CORO1B: variants seen among roughly 807,000 people sequenced by gnomAD.
CORO1B encodes coronin-1B.
Under a neutral mutation model 51.1 loss-of-function variants are expected in CORO1B, and 30 were observed. The ratio of observed to expected loss-of-function variants is 0.59; its 90% CI spans 0.44 to 0.80. The LOEUF (loss-of-function observed/expected upper bound fraction) is 0.80. CORO1B is among the 30% of genes least tolerant of loss of function. The pLI is 0.00. For synonymous variants in CORO1B, 310 were observed against 289.7 expected (o/e 1.07, Z -0.71); for missense variants, 648 against 700.4 (o/e 0.93, Z 0.84).
intron 1 of CORO1B, 108 bp from the exon 2 acceptor site, chr11:67,442,738 T>A: frequency 9.0e-7 from 1 of 1,113,608 alleles, no homozygotes; most frequent in Non-Finnish European, 1.3e-6. Context: ...CAGGCCACCG[T>A]AACCCTCCTG....
In CORO1B at chr11:67,435,522, G is replaced by A. The variant is rs1034812304; in HGVS notation, c.*2854C>T. The A allele has an allele frequency of 4.1e-6, 3 of 723,912 alleles. No individual in the cohort carries two copies. In the African/African-American group the frequency reaches 5.4e-5, roughly 13 times the overall value. 44.8% of individuals were successfully genotyped at this position (723,912 alleles called of 1,614,324 possible). A position where few individuals can be genotyped will look rare whatever the true frequency, so the allele number is the denominator to read the frequency against. Reference sequence around the variant, plus strand: ...AGGACCACAGGGCCACAGGCTGAAGGAGTTTTATTTCAAATGGTTGCCTGA... The same window carrying A: ...AGGACCACAGGGCCACAGGCTGAAGAAGTTTTATTTCAAATGGTTGCCTGA... On this transcript the variant is annotated 3_prime_UTR_variant, in exon 11 of 11. Coordinates refer to ENST00000341356, the MANE Select transcript of CORO1B (RefSeq NM_020441.3).
In CORO1B at chr11:67,435,648, G is replaced by T; in HGVS notation, c.*2728C>A. On this transcript the variant is annotated 3_prime_UTR_variant, in exon 11 of 11. Coordinates refer to ENST00000341356, the MANE Select transcript of CORO1B (RefSeq NM_020441.3). ...TCTGAGGCATGGTCATGTGGGCTGG[G>T]GGTCCAGTCCAGCCATGGCATCTTG... 6.8e-7 allele frequency: 1 copy of T among 1,480,356 alleles called. No individual in the cohort carries two copies. Among genetic ancestry groups the T allele is most frequent in the Non-Finnish European group, 8.9e-7 (1 of 1,118,262 alleles). The allele number at this position is 1,480,356 out of a possible 1,614,324, so 91.7% of individuals were successfully genotyped here.
upstream of CORO1B, chr11:67,443,558 C>T (rs1344442665): frequency 1.4e-6 from 1 of 731,514 alleles, no homozygotes; most frequent in Admixed American, 6.3e-5. Flanking sequence ...AGGTCACGCG[C>T]GGAGGGGCTG....
chr11:67,439,693 T>G (rs1864358096), intron 9 of CORO1B, 93 bp downstream of exon 9: 1 of 1,276,590 alleles, frequency 7.8e-7, no homozygotes, highest in East Asian at 2.5e-5. Context: ...CCATACTAGG[T>G]CATGTTCCAT....
Position 67,438,479 on chromosome 11 carries a change from ACCT to A in CORO1B, c.1364_1366del (p.Glu455del), listed in dbSNP as rs1864332140. 1 of 1,609,202 alleles carries A rather than the reference ACCT, an allele frequency of 6.2e-7. No homozygotes were observed. Reference sequence around the variant, plus strand: ...CCTCAGGGCCCGCAGCTCCTGCATCACCTCCTCCAGCTTCCCAGCCTCCTGTGG... The same window carrying A: ...CCTCAGGGCCCGCAGCTCCTGCATCACCTCCAGCTTCCCAGCCTCCTGTGG... On this transcript the variant is annotated inframe_deletion, in exon 11 of 11. Transcript: ENST00000341356.
chr11:67,441,675 T>C lies in CORO1B; in HGVS notation c.454+58A>G, dbSNP rs1230813791. 6 of 1,178,618 alleles carry C rather than the reference T, an allele frequency of 5.1e-6. No homozygotes were observed. In the African/African-American group the frequency reaches 1.3e-4, roughly 25 times the overall value. 73.0% of individuals were successfully genotyped at this position (1,178,618 alleles called of 1,614,324 possible). ...GTCATGTGGGCCCTGGAGGGGCTGC[T>C]GGGATGTATGGAGGGGTCCGTGGGG... is the stretch of plus-strand genomic sequence containing the variant. On this transcript the variant is annotated intron_variant, in intron 4 of 10. Coordinates refer to ENST00000341356, the MANE Select transcript of CORO1B (RefSeq NM_020441.3).
intron 5 of CORO1B, 29 bp downstream of exon 5, chr11:67,441,304 A>G (rs778491576): frequency 1.4e-5 from 23 of 1,612,998 alleles, no homozygotes; most frequent in South Asian, 1.1e-4. Context: ...GCCTATCCAC[A>G]GCCATCCTTG....
Position 67,442,420 on chromosome 11 carries a change from G to A in CORO1B, c.201+8C>T, listed in dbSNP as rs1441043809. The A allele has an allele frequency of 5.0e-6, 8 of 1,612,586 alleles. No individual in the cohort carries two copies. The highest frequency in any genetic ancestry group is 5.9e-6 in the Non-Finnish European group (7 of 1,179,822). Reference sequence around the variant, plus strand: ...GCCTCCTCTTCCCCCAACCCTGACAGGACCCACCTTGCTTAGGGGGAGCAC... The same window carrying A: ...GCCTCCTCTTCCCCCAACCCTGACAAGACCCACCTTGCTTAGGGGGAGCAC... On this transcript the variant is annotated splice_region_variant and intron_variant, in intron 2 of 10. Coordinates refer to ENST00000341356, the MANE Select transcript of CORO1B (RefSeq NM_020441.3).
At chr11:67,439,891 C>A (rs756498675) in intron 8 of CORO1B, 48 bp from the exon 9 acceptor site, 62 of 1,526,832 alleles carry the variant, frequency 4.1e-5, no homozygotes, top group Middle Eastern at 3.5e-4. Context: ...CCGCCCCCCC[C>A]ACCCACCGCC....
chr11:67,437,642 C>G lies in CORO1B; in HGVS notation c.*734G>C. 1 of 1,364,996 alleles carries G rather than the reference C, an allele frequency of 7.3e-7. No individual in the cohort carries two copies. Among genetic ancestry groups the G allele is most frequent in the Non-Finnish European group, 9.5e-7 (1 of 1,050,484 alleles). The allele number at this position is 1,364,996 out of a possible 1,614,324, so 84.6% of individuals were successfully genotyped here. On this transcript the variant is annotated 3_prime_UTR_variant, in exon 11 of 11. Transcript: ENST00000341356. ...CATTGGTCCGCAGGCCCCTCCGTGC[C>G]GGGCACCCACCTCCAGCTCTGGCTG... is the stretch of plus-strand genomic sequence containing the variant.
intron 6 of CORO1B, 126 bp downstream of exon 6, chr11:67,440,999 G>A (rs750496754): frequency 4.2e-6 from 6 of 1,413,230 alleles, no homozygotes; most frequent in Non-Finnish European, 5.9e-6. Flanking sequence ...AGAGTCCTAG[G>A]CCCTGAGAGC....
In CORO1B at chr11:67,437,478, G is replaced by T; in HGVS notation, c.*898C>A. 1 of 1,048,062 alleles carries T rather than the reference G, an allele frequency of 9.5e-7. No homozygotes were observed. The highest frequency in any genetic ancestry group is 1.3e-6 in the Non-Finnish European group (1 of 784,040). The allele number at this position is 1,048,062 out of a possible 1,614,324, so 64.9% of individuals were successfully genotyped here. A position where few individuals can be genotyped will look rare whatever the true frequency, so the allele number is the denominator to read the frequency against. On this transcript the variant is annotated 3_prime_UTR_variant, in exon 11 of 11. Coordinates refer to ENST00000341356, the MANE Select transcript of CORO1B (RefSeq NM_020441.3). ...CCAGCTCAGGTGAGAGAAAGGTTCA[G>T]CCTCTGCCATACTCCTCTTAGGTCT... is the stretch of plus-strand genomic sequence containing the variant.
At chr11:67,443,590 G>A (rs1490943538), upstream of CORO1B, 10 of 688,278 alleles carry the variant, frequency 1.5e-5, no homozygotes, top group East Asian at 1.3e-3. Flanking sequence ...GAGCGGCGCC[G>A]GGGGGCCGGG....
Position 67,438,740 on chromosome 11 carries a change from G to A in CORO1B, c.1275C>T (p.His425=). 6.4e-7 allele frequency: 1 copy of A among 1,551,798 alleles called. No homozygotes were observed. Among genetic ancestry groups the A allele is most frequent in the Non-Finnish European group, 8.7e-7 (1 of 1,152,344 alleles). The part of the protein sequence containing the change: ...SRPAMAPGSS[H]LGAPASTTTA... ...TGGTGGTGGAGGCGGGGGCCCCTAG[G>A]TGGGAGGAGCCCGGGGCCATGGCGG... The change falls in exon 10 of 11, where the codon CAC becomes CAT. Residue 425 remains histidine, a synonymous_variant. Coordinates refer to ENST00000341356, the MANE Select transcript of CORO1B (RefSeq NM_020441.3).
At chr11:67,443,712 C>T (rs945609244), upstream of CORO1B, 13 of 984,686 alleles carry the variant, frequency 1.3e-5, no homozygotes, top group African/African-American at 1.9e-4. Context: ...GGGCCGACGG[C>T]GGCCGCCGCA....
At position 67,442,068 on chromosome 11, in the gene CORO1B, G is replaced by C. The variant is rs1171734648; in HGVS notation, c.222C>G (p.Ala74=). Residue 74 remains alanine, a synonymous_variant, in exon 3 of 11, where the codon GCC becomes GCG. Transcript: ENST00000341356. ...PLSKTGRIDK[A]YPTVCGHTGP... ...CCGTGTGCCCACACACCGTCGGGTA[G>C]GCCTTGTCAATGCGGCCCGTCTGTG... is the stretch of plus-strand genomic sequence containing the variant. 3 of 1,612,280 alleles carry C rather than the reference G, an allele frequency of 1.9e-6. No individual in the cohort carries two copies. The South Asian group carries it at 3.3e-5, about 18-fold the overall frequency.
Position 67,436,215 on chromosome 11 carries a change from C to T in CORO1B, c.*2161G>A. ...CGCCAGGCCAGTGCTAGGCCAGTGG[C>T]CAGCAGTAGGAGCAGCAGCAGCAGC... On this transcript the variant is annotated 3_prime_UTR_variant, in exon 11 of 11. Transcript: ENST00000341356. 6.5e-7 allele frequency: 1 copy of T among 1,550,024 alleles called. No homozygotes were observed. Among genetic ancestry groups the T allele is most frequent in the Non-Finnish European group, 8.7e-7 (1 of 1,150,074 alleles).
At position 67,441,455 on chromosome 11, in the gene CORO1B, C is replaced by T; in HGVS notation, c.514G>A (p.Asp172Asn). ...TAGATGAGGTCAGGGTGCAGGCTGT[C>T]CAGGCGGTACAGCTCCTCCGCTGTG... ...VGTAEELYRL[D>N]SLHPDLIYNV... is the part of the protein sequence containing the mutation. The change falls in exon 5 of 11, where the codon GAC becomes AAC. Residue 172 changes from aspartate to asparagine, a missense_variant. Physicochemically the swap from Asp to Asn is conservative, Grantham distance 23. Coordinates refer to ENST00000341356, the MANE Select transcript of CORO1B (RefSeq NM_020441.3). The T allele has an allele frequency of 6.2e-7, 1 of 1,613,878 alleles. No homozygotes were observed. Among genetic ancestry groups the T allele is most frequent in the Non-Finnish European group, 8.5e-7 (1 of 1,180,018 alleles).
At chr11:67,440,615 T>G in intron 6 of CORO1B, 176 bp from the exon 7 acceptor site, 1 of 706,104 alleles carries the variant, frequency 1.4e-6, no homozygotes, top group Non-Finnish European at 2.6e-6. Flanking sequence ...CCCTCCTGGC[T>G]TCACTTTATT....
Sources: gnomAD v4.1 joint callset for allele counts on GRCh38, gnomAD v4.1.1 for gene constraint, MANE v1.5 for transcripts, NCBI Gene and HGNC (gene_info 2026-07-23, HGNC 2026-07-21) for gene names.